Variants in MATCAP2 observed in about 807,000 individuals in gnomAD.
MATCAP2 encodes the protein putative tyrosine carboxypeptidase MATCAP2.
chr7:36,360,165 A>G, the MATCAP2 span, among the ~76,000 whole-genome samples: 1 of 152,196 alleles, frequency 6.6e-6, no homozygotes, highest in African/African-American at 2.4e-5. Flanking sequence ...ATGAATACTC[A>G]ATGTGAAAAT....
At chr7:36,354,120 T>C in the MATCAP2 span, among the ~76,000 whole-genome samples, 1 of 152,048 alleles carries the variant, frequency 6.6e-6, no homozygotes. Context: ...TCTCTAAGAG[T>C]CAGGAAGCTG....
At chr7:36,389,966 C>A in the MATCAP2 span, 52 of 1,613,966 alleles carry the variant, frequency 3.2e-5, no homozygotes, top group African/African-American at 6.3e-4. Flanking sequence ...CTGAGACTCA[C>A]TTTTCTCTTC....
At chr7:36,364,695 G>A in the MATCAP2 span, among the ~76,000 whole-genome samples, 85 of 152,296 alleles carry the variant, frequency 5.6e-4, 1 homozygote, top group East Asian at 0.016. Flanking sequence ...AATCGTGAGG[G>A]AATGACCAGG....
the MATCAP2 span, among the ~76,000 whole-genome samples, chr7:36,347,809 C>A: frequency 6.6e-6 from 1 of 152,192 alleles, no homozygotes; most frequent in African/African-American, 2.4e-5. Context: ...ACTCTCCCTT[C>A]ATTCCTCTCC....
the MATCAP2 span, among the ~76,000 whole-genome samples, chr7:36,370,542 C>T: frequency 7.2e-5 from 11 of 152,194 alleles, no homozygotes; most frequent in South Asian, 6.2e-4. Context: ...AGTACAGTGG[C>T]GCAATCTTGG....
chr7:36,390,170 T>G, the MATCAP2 span: 12 of 1,540,862 alleles, frequency 7.8e-6, 2 homozygotes, highest in South Asian at 1.0e-4. Context: ...GTGCGCAGTG[T>G]GTGCGGGCCG....
the MATCAP2 span, among the ~76,000 whole-genome samples, chr7:36,340,116 G>A: frequency 1.5e-4 from 23 of 152,278 alleles, 1 homozygote; most frequent in South Asian, 1.0e-3. Flanking sequence ...TGCCTGTCTC[G>A]GCCTCCTAAA....
At chr7:36,385,779 C>T in the MATCAP2 span, among the ~76,000 whole-genome samples, 1 of 112,596 alleles carries the variant, frequency 8.9e-6, no homozygotes, top group Non-Finnish European at 1.9e-5. Flanking sequence ...GAGCAAGACC[C>T]TATTTCAAAA....
At chr7:36,347,039 C>CT in the MATCAP2 span, among the ~76,000 whole-genome samples, 4 of 152,118 alleles carry the variant, frequency 2.6e-5, no homozygotes, top group African/African-American at 9.7e-5. Flanking sequence ...CATTACAGGC[C>CT]TGAGCCACCG....
the MATCAP2 span, chr7:36,357,025 C>G: frequency 6.2e-7 from 1 of 1,614,146 alleles, no homozygotes; most frequent in Non-Finnish European, 8.5e-7. Context: ...GTTTTTCTTT[C>G]TCTAAGTTGG....
chr7:36,357,140 T>C, the MATCAP2 span: 26 of 1,614,184 alleles, frequency 1.6e-5, no homozygotes, highest in Non-Finnish European at 2.2e-5. Context: ...AGTGGAGAAA[T>C]GGCACCACTT....
At chr7:36,384,292 T>G in the MATCAP2 span, among the ~76,000 whole-genome samples, 2 of 152,236 alleles carry the variant, frequency 1.3e-5, no homozygotes, top group African/African-American at 4.8e-5. Flanking sequence ...CTTGGTTCTA[T>G]TCTTAAATTA....
the MATCAP2 span, among the ~76,000 whole-genome samples, chr7:36,387,093 G>A: frequency 6.6e-6 from 1 of 152,168 alleles, no homozygotes; most frequent in Non-Finnish European, 1.5e-5. Flanking sequence ...AGTTATTAGT[G>A]AGGATAAATC....
the MATCAP2 span, among the ~76,000 whole-genome samples, chr7:36,364,760 A>G: frequency 6.6e-6 from 1 of 152,206 alleles, no homozygotes; most frequent in East Asian, 1.9e-4. Context: ...CTGGCTGTCC[A>G]AACTGGGTTT....
chr7:36,389,825 C>G, the MATCAP2 span: 1 of 975,512 alleles, frequency 1.0e-6, no homozygotes, highest in Non-Finnish European at 1.5e-6. Context: ...GCTCGCGGCT[C>G]GGCGCTGAAA....
At chr7:36,347,789 T>C in the MATCAP2 span, among the ~76,000 whole-genome samples, 14 of 152,326 alleles carry the variant, frequency 9.2e-5, no homozygotes, top group African/African-American at 3.4e-4. Flanking sequence ...CTAGTTAATA[T>C]ACCACTCCAA....
chr7:36,385,155 T>C, the MATCAP2 span, among the ~76,000 whole-genome samples: 2 of 152,342 alleles, frequency 1.3e-5, no homozygotes, highest in East Asian at 3.9e-4. Flanking sequence ...TTATGTAAGT[T>C]TGTTATAGAC....
the MATCAP2 span, among the ~76,000 whole-genome samples, chr7:36,386,631 G>C: frequency 6.6e-6 from 1 of 151,812 alleles, no homozygotes; most frequent in Non-Finnish European, 1.5e-5. Flanking sequence ...ATAAGAAAAA[G>C]GCAAATAATT....
the MATCAP2 span, among the ~76,000 whole-genome samples, chr7:36,343,281 A>G: frequency 7.1e-6 from 1 of 141,736 alleles, no homozygotes; most frequent in African/African-American, 2.6e-5. Flanking sequence ...ACTTGAGGCC[A>G]GGAGTTTGAG....
Sources: allele counts gnomAD v4.1 joint callset (sites outside exome capture counted in the v4.1 genomes callset), GRCh38; gene constraint gnomAD v4.1.1; transcripts MANE v1.5; gene names NCBI Gene and HGNC (gene_info 2026-07-23, HGNC 2026-07-21).